Variants in RALGPS1 observed in about 807,000 individuals in gnomAD.
RALGPS1 encodes Ral GEF with PH domain and SH3 binding motif 1.
Under a neutral mutation model 78.8 loss-of-function variants are expected in RALGPS1, and 19 were observed. That is an observed-to-expected ratio of 0.24 (90% CI 0.17 to 0.35). RALGPS1 has a LOEUF of 0.35. Among genes scored for constraint, RALGPS1 ranks in the 10% least tolerant of loss-of-function variants. The pLI is 1.00. For synonymous variants in RALGPS1, 228 were observed against 256.3 expected (o/e 0.89, Z 1.06); for missense variants, 454 against 688.3 (o/e 0.66, Z 3.81).
intron 5 of RALGPS1, among the ~76,000 whole-genome samples, chr9:127,040,120 G>T (rs980665943): frequency 1.8e-4 from 28 of 152,176 alleles, no homozygotes; most frequent in African/African-American, 6.5e-4. Context: ...GCTGAAGTAG[G>T]CCGGGCATGG....
intron 1 of RALGPS1, among the ~76,000 whole-genome samples, chr9:126,958,309 C>T (rs1014292304): frequency 1.3e-5 from 2 of 151,660 alleles, no homozygotes; most frequent in African/African-American, 4.8e-5. Context: ...TCATAAAACC[C>T]ACCCCTTCTA....
At chr9:127,153,547 T>C (rs2058547363) in intron 8 of RALGPS1, among the ~76,000 whole-genome samples, 2 of 151,932 alleles carry the variant, frequency 1.3e-5, no homozygotes, top group Non-Finnish European at 2.9e-5. Flanking sequence ...AGGTCCTCAG[T>C]GAGTATTTGT....
chr9:127,043,076 GT>G lies in RALGPS1; in HGVS notation c.301-6965del, dbSNP rs546910456. ...TTCATGGAATGGAAGACTCAATACT[GT>G]TAAGATGTCAGTTCTTCCCAACTTG... is the stretch of plus-strand genomic sequence containing the variant. On this transcript the variant is annotated intron_variant, in intron 5 of 18. Coordinates refer to ENST00000259351, the MANE Select transcript of RALGPS1 (RefSeq NM_014636.3). Among the ~76,000 whole-genome samples the G allele has an allele frequency of 9.8e-5, 15 of 152,324 alleles. 1 individual carries two copies. The South Asian group carries it at 3.1e-3, about 32-fold the overall frequency.
chr9:126,976,657 G>A (rs2040685089), intron 3 of RALGPS1, among the ~76,000 whole-genome samples: 1 of 152,212 alleles, frequency 6.6e-6, no homozygotes, highest in South Asian at 2.1e-4. Context: ...AAGCCCTGTA[G>A]ACTCCAGAGC....
chr9:127,125,542 C>T lies in RALGPS1; in HGVS notation c.611-40527C>T, dbSNP rs923145395. On this transcript the variant is annotated intron_variant, in intron 8 of 18. Transcript: ENST00000259351. ...AGTAAGATGATGGGGCTGAAGCATT[C>T]GGCCCTGCGCCCGGCTGCAGCATTT... 2.6e-5 allele frequency among the ~76,000 whole-genome samples: 4 copies of T among 152,190 alleles called. No homozygotes were observed. The South Asian group carries it at 6.2e-4, about 24-fold the overall frequency.
intron 8 of RALGPS1, among the ~76,000 whole-genome samples, chr9:127,105,094 C>T (rs2054092194): frequency 6.6e-6 from 1 of 152,184 alleles, no homozygotes; most frequent in South Asian, 2.1e-4. Context: ...TCTACCCATT[C>T]ATCTTCCACA....
intron 4 of RALGPS1, among the ~76,000 whole-genome samples, chr9:126,986,739 G>T (rs2041838299): frequency 6.6e-6 from 1 of 152,188 alleles, no homozygotes; most frequent in Non-Finnish European, 1.5e-5. Flanking sequence ...TCAGCCCAGG[G>T]TTCTGTCAGA....
At chr9:126,923,459 G>A (rs965373709) in intron 1 of RALGPS1, among the ~76,000 whole-genome samples, 1 of 152,022 alleles carries the variant, frequency 6.6e-6, no homozygotes, top group South Asian at 2.1e-4. Flanking sequence ...ATTGGAAAAA[G>A]GTACTTATAA....
intron 4 of RALGPS1, among the ~76,000 whole-genome samples, chr9:127,030,236 A>G (rs2046314486): frequency 6.6e-6 from 1 of 152,184 alleles, no homozygotes; most frequent in Admixed American, 6.5e-5. Context: ...CTGGACACAG[A>G]CATGTAGTTG....
chr9:127,049,429 T>C (rs61491662), intron 5 of RALGPS1, among the ~76,000 whole-genome samples: 7,989 of 152,278 alleles, frequency 0.052, 702 homozygotes, highest in African/African-American at 0.18. Context: ...TTTTGGTGCA[T>C]GCTGTCTCCG....
chr9:126,958,142 A>AAATATATATAT (rs113413659), intron 1 of RALGPS1, among the ~76,000 whole-genome samples: 1 of 77,106 alleles, frequency 1.3e-5, no homozygotes. Context: ...AAAAAAAAAA[A>AAATATATATAT]ATATATATAT....
At chr9:126,985,183 A>G (rs1277265426) in intron 4 of RALGPS1, among the ~76,000 whole-genome samples, 1 of 152,210 alleles carries the variant, frequency 6.6e-6, no homozygotes, top group African/African-American at 2.4e-5. Flanking sequence ...AGCTTTGGCC[A>G]GCTGTCTTGG....
At chr9:127,173,234 G>T (rs1211504953) in intron 10 of RALGPS1, among the ~76,000 whole-genome samples, 1 of 152,184 alleles carries the variant, frequency 6.6e-6, no homozygotes, top group Non-Finnish European at 1.5e-5. Context: ...GTACCCTCAG[G>T]TTTCACATCA....
intron 11 of RALGPS1, among the ~76,000 whole-genome samples, chr9:127,192,380 C>G (rs965499874): frequency 6.6e-6 from 1 of 152,250 alleles, no homozygotes; most frequent in African/African-American, 2.4e-5. Flanking sequence ...AGGCTGGAAA[C>G]AGGAGAAGGA....
At chr9:127,120,160 CTATGGATCCTCCTGATTTTGT>C (rs1349907353) in intron 8 of RALGPS1, among the ~76,000 whole-genome samples, 1 of 152,198 alleles carries the variant, frequency 6.6e-6, no homozygotes, top group Non-Finnish European at 1.5e-5. Flanking sequence ...GCAAACCTGA[CTATGGATCCTCCTGATTTTGT>C]GAGCTTCCCA....
intron 4 of RALGPS1, among the ~76,000 whole-genome samples, chr9:127,029,242 A>T (rs1157993235): frequency 6.6e-6 from 1 of 152,180 alleles, no homozygotes; most frequent in Non-Finnish European, 1.5e-5. Context: ...ACAAGAGTCT[A>T]GGCCCTGAAT....
intron 4 of RALGPS1, among the ~76,000 whole-genome samples, chr9:127,013,374 C>T (rs1249228346): frequency 1.3e-5 from 2 of 152,104 alleles, no homozygotes; most frequent in African/African-American, 4.8e-5. Context: ...TCACAGCATG[C>T]CCCAAACCAA....
intron 7 of RALGPS1, among the ~76,000 whole-genome samples, chr9:127,058,728 CATT>C (rs778049569): frequency 1.3e-5 from 2 of 152,112 alleles, no homozygotes; most frequent in African/African-American, 4.8e-5. Flanking sequence ...ATGAGTCACT[CATT>C]ATAGTAATTA....
intron 8 of RALGPS1, among the ~76,000 whole-genome samples, chr9:127,070,971 G>GT (rs890453273): frequency 6.6e-6 from 1 of 150,542 alleles, no homozygotes; most frequent in Non-Finnish European, 1.5e-5. Flanking sequence ...TACTAGCATA[G>GT]TTTTTTTCTT....
Sources: allele counts gnomAD v4.1 joint callset (sites outside exome capture counted in the v4.1 genomes callset), GRCh38; gene constraint gnomAD v4.1.1; transcripts MANE v1.5; gene names NCBI Gene and HGNC (gene_info 2026-07-23, HGNC 2026-07-21).